HDAC9: variants seen among roughly 807,000 people sequenced by gnomAD.
HDAC9 encodes the protein MEF-2 interacting transcription repressor (MITR) protein.
Under a neutral mutation model 139.4 loss-of-function variants are expected in HDAC9, and 41 were observed. The observed-to-expected ratio is 0.29, with a 90% CI of 0.23 to 0.38. The LOEUF (loss-of-function observed/expected upper bound fraction) is 0.38. Ranked by LOEUF, HDAC9 falls within the 10% of genes least tolerant of loss-of-function variation. The probability of loss-of-function intolerance (pLI) is 1.00; values close to 1 mark genes in which losing one functional copy is unlikely to be tolerated. For synonymous variants in HDAC9, 517 were observed against 476.2 expected (o/e 1.09, Z -1.12); for missense variants, 1,147 against 1,297.0 (o/e 0.88, Z 1.78).
At chr7:18,172,462 C>G (rs1258625942) in intron 2 of HDAC9, among the ~76,000 whole-genome samples, 1 of 152,128 alleles carries the variant, frequency 6.6e-6, no homozygotes, top group Non-Finnish European at 1.5e-5. Context: ...CAGTTCTGCT[C>G]TGATCTTAGT....
At chr7:18,631,406 C>T (rs1462984071) in intron 7 of HDAC9, among the ~76,000 whole-genome samples, 6 of 152,132 alleles carry the variant, frequency 3.9e-5, no homozygotes, top group African/African-American at 1.4e-4. Context: ...GGACTACTGA[C>T]ACACAGCTGT....
intron 2 of HDAC9, chr7:18,509,145 C>A: frequency 2.7e-6 from 1 of 373,306 alleles, no homozygotes; most frequent in Non-Finnish European, 3.7e-6. Flanking sequence ...GTTGGACAAA[C>A]ATTTTTGAGG....
At chr7:18,695,954 A>G (rs1342342831) in intron 12 of HDAC9, among the ~76,000 whole-genome samples, 2 of 152,174 alleles carry the variant, frequency 1.3e-5, no homozygotes, top group African/African-American at 4.8e-5. Flanking sequence ...AAAAAGTTTT[A>G]TGTAACTATT....
In HDAC9 at chr7:18,703,577, C is replaced by T. The variant is rs560373724; in HGVS notation, c.1732-24003C>T. On this transcript the variant is annotated intron_variant, in intron 12 of 25. Coordinates refer to ENST00000686413, the MANE Select transcript of HDAC9 (RefSeq NM_178425.4). ...ATAGCAGCATAATCTGGCATGTTTC[C>T]TATTCTATCATTTTAACATTTTCCA... 2.0e-5 allele frequency among the ~76,000 whole-genome samples: 3 copies of T among 152,200 alleles called. No homozygotes were observed. In the East Asian group the frequency reaches 5.8e-4, roughly 29 times the overall value.
At chr7:18,824,090 C>CAAGAAG (rs796695519) in intron 17 of HDAC9, among the ~76,000 whole-genome samples, 4,283 of 123,244 alleles carry the variant, frequency 0.035, 222 homozygotes, top group African/African-American at 0.12. Context: ...AGAAGAAGAA[C>CAAGAAG]AAGAACAAGA....
At chr7:18,193,133 A>G (rs1790474642) in intron 2 of HDAC9, among the ~76,000 whole-genome samples, 1 of 152,178 alleles carries the variant, frequency 6.6e-6, no homozygotes. Flanking sequence ...CTGGGGAGAT[A>G]ATCTTTGCTG....
intron 2 of HDAC9, among the ~76,000 whole-genome samples, chr7:18,583,246 A>G (rs934667362): frequency 6.6e-6 from 1 of 152,222 alleles, no homozygotes; most frequent in Admixed American, 6.5e-5. Context: ...GCTACATGCT[A>G]TTAGTACTTA....
At chr7:18,897,443 A>C (rs77937375) in intron 22 of HDAC9, among the ~76,000 whole-genome samples, 2 of 151,998 alleles carry the variant, frequency 1.3e-5, no homozygotes, top group African/African-American at 4.8e-5. Flanking sequence ...ATAAATAAAA[A>C]TAATGTGACT....
At chr7:18,574,663 C>G (rs1488518464) in intron 2 of HDAC9, among the ~76,000 whole-genome samples, 1 of 152,230 alleles carries the variant, frequency 6.6e-6, no homozygotes, top group Non-Finnish European at 1.5e-5. Flanking sequence ...TGCCCTCAAT[C>G]TCCCACTCAT....
intron 24 of HDAC9, among the ~76,000 whole-genome samples, chr7:18,971,307 T>C (rs187788033): frequency 2.6e-5 from 4 of 152,032 alleles, no homozygotes; most frequent in South Asian, 2.1e-4. Flanking sequence ...GAAGAGGGAG[T>C]GTGCATGTCC....
At chr7:18,703,958 G>C (rs1351102434) in intron 12 of HDAC9, among the ~76,000 whole-genome samples, 2 of 152,178 alleles carry the variant, frequency 1.3e-5, no homozygotes, top group East Asian at 3.9e-4. Context: ...GCCAAGCCCT[G>C]ACCTTGTCCT....
At chr7:18,484,942 T>A (rs2128130621) in intron 1 of HDAC9, among the ~76,000 whole-genome samples, 1 of 152,190 alleles carries the variant, frequency 6.6e-6, no homozygotes, top group East Asian at 1.9e-4. Context: ...AAAGGGTCCC[T>A]TCTGCTTATA....
At chr7:18,867,229 A>G (rs1798563745) in intron 21 of HDAC9, among the ~76,000 whole-genome samples, 1 of 152,210 alleles carries the variant, frequency 6.6e-6, no homozygotes, top group African/African-American at 2.4e-5. Context: ...ACAAAAAAGC[A>G]TATATGCCAT....
intron 2 of HDAC9, among the ~76,000 whole-genome samples, chr7:18,199,754 CAAAAAAAAAAA>C (rs59883693): frequency 5.4e-5 from 3 of 55,710 alleles, no homozygotes; most frequent in East Asian, 6.1e-4. Context: ...ATGTGTCTAC[CAAAAAAAAAAA>C]AAAAAAAAAA....
intron 2 of HDAC9, among the ~76,000 whole-genome samples, chr7:18,571,172 C>T (rs1011513928): frequency 6.6e-6 from 1 of 152,182 alleles, no homozygotes; most frequent in Non-Finnish European, 1.5e-5. Flanking sequence ...TTTTAACGTT[C>T]AATTTTTTTC....
At chr7:18,119,104 A>G (rs1784204671) in intron 1 of HDAC9, among the ~76,000 whole-genome samples, 2 of 152,116 alleles carry the variant, frequency 1.3e-5, no homozygotes, top group African/African-American at 4.8e-5. Context: ...TTGGTTGCTT[A>G]TTTTCTCTGA....
chr7:18,837,721 C>T (rs1335091432), intron 21 of HDAC9, among the ~76,000 whole-genome samples: 1 of 152,058 alleles, frequency 6.6e-6, no homozygotes, highest in Non-Finnish European at 1.5e-5. Flanking sequence ...GTTTTCCCAT[C>T]ACAAAGTGAG....
intron 22 of HDAC9, among the ~76,000 whole-genome samples, chr7:18,894,808 T>G (rs2129273859): frequency 6.6e-6 from 1 of 152,272 alleles, no homozygotes; most frequent in South Asian, 2.1e-4. Flanking sequence ...CAAATGTTCT[T>G]GAATTTGTGA....
intron 21 of HDAC9, among the ~76,000 whole-genome samples, chr7:18,870,368 T>G (rs756760728): frequency 5.3e-5 from 8 of 152,198 alleles, no homozygotes; most frequent in Non-Finnish European, 8.8e-5. Flanking sequence ...GTCACTTATT[T>G]TGTCAAATAT....
Sources: gnomAD v4.1 joint callset for allele counts (sites outside exome capture counted in the v4.1 genomes callset) on GRCh38, gnomAD v4.1.1 for gene constraint, MANE v1.5 for transcripts, NCBI Gene and HGNC (gene_info 2026-07-23, HGNC 2026-07-21) for gene names.